The following MIS18A variants were observed in gnomAD, a reference collection of about 807,000 sequenced individuals.
MIS18A encodes the protein protein Mis18-alpha.
A neutral mutation model predicts 25.0 loss-of-function variants in MIS18A; 14 were observed. That is an observed-to-expected ratio of 0.56 (90% confidence interval 0.37 to 0.88). The LOEUF (loss-of-function observed/expected upper bound fraction) is 0.88. Among genes scored for constraint, MIS18A ranks in the 40% least tolerant of loss-of-function variants. The pLI is 0.00. For missense variants in MIS18A, 292 were observed against 290.8 expected (o/e 1.00, Z -0.03); for synonymous variants, 134 against 118.6 (o/e 1.13, Z -0.84).
At chr21:32,186,679 A>C in the MIS18A span, among the ~76,000 whole-genome samples, 1 of 152,214 alleles carries the variant, frequency 6.6e-6, no homozygotes, top group African/African-American at 2.4e-5. Flanking sequence ...AGAGAAAGAA[A>C]TTAAGAGCAA....
chr21:32,166,314 C>A, the MIS18A span, among the ~76,000 whole-genome samples: 2 of 152,174 alleles, frequency 1.3e-5, no homozygotes, highest in African/African-American at 4.8e-5. Context: ...AATTGTATTA[C>A]AAATGTATCA....
At chr21:32,242,466 T>C in the MIS18A span, among the ~76,000 whole-genome samples, 2 of 152,118 alleles carry the variant, frequency 1.3e-5, no homozygotes, top group African/African-American at 2.4e-5. Context: ...AGCCCATAAG[T>C]ATATTTTCTT....
the MIS18A span, among the ~76,000 whole-genome samples, chr21:32,224,202 C>G: frequency 1.3e-5 from 2 of 150,358 alleles, no homozygotes; most frequent in Admixed American, 1.3e-4. Context: ...GAAGCATTCC[C>G]TTTGAAAACT....
chr21:32,278,502 C>G (rs1237665412), intron 1 of MIS18A, 179 bp downstream of exon 1: 1 of 648,066 alleles, frequency 1.5e-6, no homozygotes, highest in Non-Finnish European at 2.5e-6. Context: ...GCCCGAGAGC[C>G]AAAGTGGAGG....
the MIS18A span, among the ~76,000 whole-genome samples, chr21:32,195,356 A>C: frequency 6.6e-6 from 1 of 152,182 alleles, no homozygotes; most frequent in African/African-American, 2.4e-5. Context: ...AGTTAGAGGG[A>C]TAGTTGAAAT....
the MIS18A span, among the ~76,000 whole-genome samples, chr21:32,246,589 C>T: frequency 2.6e-5 from 4 of 152,304 alleles, no homozygotes; most frequent in East Asian, 5.8e-4. Flanking sequence ...ACACAGTGTC[C>T]TTGTGGGAAC....
the MIS18A span, among the ~76,000 whole-genome samples, chr21:32,228,365 G>T: frequency 6.6e-6 from 1 of 152,186 alleles, no homozygotes; most frequent in Non-Finnish European, 1.5e-5. Context: ...GGGATTACAG[G>T]CATGAGCCAC....
the MIS18A span, among the ~76,000 whole-genome samples, chr21:32,160,063 A>G: frequency 1.3e-5 from 2 of 152,182 alleles, no homozygotes; most frequent in Non-Finnish European, 2.9e-5. Context: ...TTGCAGGGCA[A>G]TTTCAAGGTA....
the MIS18A span, among the ~76,000 whole-genome samples, chr21:32,251,311 T>C: frequency 6.6e-6 from 1 of 152,156 alleles, no homozygotes; most frequent in African/African-American, 2.4e-5. Context: ...TTTGTGGCTC[T>C]TAAATGTACC....
At chr21:32,261,648 A>G in the MIS18A span, 2 of 152,290 alleles carry the variant, frequency 1.3e-5, no homozygotes, top group Non-Finnish European at 2.9e-5. Flanking sequence ...CGTGGAGCTA[A>G]CACTCCAATG....
At chr21:32,209,250 G>A in the MIS18A span, among the ~76,000 whole-genome samples, 23,382 of 152,136 alleles carry the variant, frequency 0.15, 1,890 homozygotes, top group East Asian at 0.24. Flanking sequence ...ACATGTTAAA[G>A]CATTTTAGAA....
chr21:32,274,656 T>C (rs1016549825), intron 2 of MIS18A, among the ~76,000 whole-genome samples, 174 bp downstream of exon 2: 1 of 152,172 alleles, frequency 6.6e-6, no homozygotes, highest in African/African-American at 2.4e-5. Flanking sequence ...CATATTCCTT[T>C]CTAAAACAGG....
intron 1 of MIS18A, chr21:32,278,430 C>T: frequency 1.9e-6 from 1 of 516,554 alleles, no homozygotes; most frequent in Non-Finnish European, 3.4e-6. Context: ...GAGTAATGCT[C>T]ACGATGATGC....
chr21:32,240,958 T>C, the MIS18A span, among the ~76,000 whole-genome samples: 3 of 152,182 alleles, frequency 2.0e-5, no homozygotes, highest in African/African-American at 4.8e-5. Flanking sequence ...CTGGGAGACT[T>C]GACAGATGCT....
chr21:32,209,899 T>C, the MIS18A span, among the ~76,000 whole-genome samples: 1 of 152,204 alleles, frequency 6.6e-6, no homozygotes, highest in Non-Finnish European at 1.5e-5. Context: ...TGTGAGTCAA[T>C]TAAACCTCTT....
At chr21:32,229,140 C>A in the MIS18A span, among the ~76,000 whole-genome samples, 1 of 151,992 alleles carries the variant, frequency 6.6e-6, no homozygotes, top group African/African-American at 2.4e-5. Flanking sequence ...TTTCTTAGTC[C>A]CTTGGGATTC....
chr21:32,219,536 C>T, the MIS18A span, among the ~76,000 whole-genome samples: 1 of 152,336 alleles, frequency 6.6e-6, no homozygotes, highest in South Asian at 2.1e-4. Flanking sequence ...GTTTCAAGAA[C>T]AAAACTGGGC....
the MIS18A span, among the ~76,000 whole-genome samples, chr21:32,230,896 TA>T: frequency 2.6e-5 from 4 of 152,218 alleles, no homozygotes; most frequent in African/African-American, 9.6e-5. Context: ...GCATCAAAAT[TA>T]AAATATTTTG....
chr21:32,278,758 G>A lies in MIS18A; in HGVS notation c.257C>T (p.Ser86Phe), dbSNP rs11701322. ...AEERPLVFLC[S>F]GCRRPLGDSL... ...GTCGCCCAGCGGCCGCCGGCAGCCG[G>A]AGCACAGGAACACCAGCGGCCTCTC... The change falls in exon 1 of 5, where the codon TCC (serine) becomes TTC (phenylalanine). Residue 86 changes from serine (S) to phenylalanine (F), a missense_variant. Physicochemically the swap from Ser to Phe is radical, Grantham distance 155. Transcript: ENST00000290130. 4.2e-5 allele frequency: 67 copies of A among 1,578,686 alleles called. No homozygotes were observed. The highest frequency in any genetic ancestry group is 5.2e-5 in the Non-Finnish European group (61 of 1,168,246).
Sources: gnomAD v4.1 joint callset for allele counts (sites outside exome capture counted in the v4.1 genomes callset) on GRCh38, gnomAD v4.1.1 for gene constraint, MANE v1.5 for transcripts, NCBI Gene and HGNC (gene_info 2026-07-23, HGNC 2026-07-21) for gene names.